Variants in GNG4 observed in about 807,000 individuals in gnomAD.
The protein encoded by GNG4 is guanine nucleotide-binding protein G(I)/G(S)/G(O) subunit gamma-4.
A neutral mutation model predicts 5.8 loss-of-function variants in GNG4; 4 were observed. That is an observed-to-expected ratio of 0.69 (90% CI 0.34 to 1.57). The LOEUF is 1.57. GNG4 is among the 40% of genes most tolerant of loss of function. The pLI, the probability that GNG4 is intolerant of heterozygous loss-of-function variation, is 0.06. For missense variants in GNG4, 96 were observed against 95.1 expected (o/e 1.01, Z -0.04); for synonymous variants, 29 against 32.9 (o/e 0.88, Z 0.41).
intron 1 of GNG4, among the ~76,000 whole-genome samples, chr1:235,606,829 G>C (rs999110671): frequency 6.6e-6 from 1 of 152,038 alleles, no homozygotes; most frequent in Non-Finnish European, 1.5e-5. Context: ...GCTGCGTGCA[G>C]AGCCTTTGGC....
intron 1 of GNG4, chr1:235,615,707 C>A: frequency 4.2e-6 from 1 of 236,778 alleles, no homozygotes; most frequent in Non-Finnish European, 8.8e-6. Flanking sequence ...ATAGACATAG[C>A]CATTATGCCT....
At chr1:235,557,565 C>G (rs1309855391) in intron 3 of GNG4, among the ~76,000 whole-genome samples, 1 of 152,080 alleles carries the variant, frequency 6.6e-6, no homozygotes, top group African/African-American at 2.4e-5. Context: ...TCCAGCTGGT[C>G]AGAAGTTGGC....
At position 235,596,175 on chromosome 1, in the gene GNG4, A is replaced by G. The variant is rs573034647; in HGVS notation, c.-122-664T>C. On this transcript the variant is annotated intron_variant, in intron 1 of 3. Coordinates refer to ENST00000391854, the MANE Select transcript of GNG4 (RefSeq NM_001098722.2). ...GGTGACAGAGCGAGACTCTGTCTCAAAAACAAAAACAAAACAAAAACAAAC... is the reference window on the plus strand; with the variant it reads ...GGTGACAGAGCGAGACTCTGTCTCAGAAACAAAAACAAAACAAAAACAAAC... Among the ~76,000 whole-genome samples, 4 of 148,930 alleles carry G rather than the reference A, an allele frequency of 2.7e-5. No homozygotes were observed. In the Admixed American group the frequency reaches 2.7e-4, roughly 10 times the overall value.
At chr1:235,639,698 G>A (rs1657259723) in intron 1 of GNG4, among the ~76,000 whole-genome samples, 1 of 152,202 alleles carries the variant, frequency 6.6e-6, no homozygotes, top group Non-Finnish European at 1.5e-5. Context: ...TAGAGACGGG[G>A]TTTCACCCAC....
At chr1:235,555,384 T>C (rs999406200) in intron 3 of GNG4, among the ~76,000 whole-genome samples, 4 of 152,142 alleles carry the variant, frequency 2.6e-5, no homozygotes, top group African/African-American at 9.7e-5. Flanking sequence ...ATAATACAAA[T>C]AGAAGCTAAC....
intron 1 of GNG4, among the ~76,000 whole-genome samples, chr1:235,613,399 G>T (rs1688524429): frequency 6.6e-6 from 1 of 152,194 alleles, no homozygotes; most frequent in Non-Finnish European, 1.5e-5. Flanking sequence ...GGGGTTTTAG[G>T]TTGCAGATGC....
At chr1:235,636,607 G>T (rs1431910008) in intron 1 of GNG4, among the ~76,000 whole-genome samples, 1 of 152,158 alleles carries the variant, frequency 6.6e-6, no homozygotes, top group East Asian at 1.9e-4. Flanking sequence ...CCTCCAGCAG[G>T]GCAATTGCCT....
Position 235,550,396 on chromosome 1 carries a change from GC to G in GNG4, c.*1712del, listed in dbSNP as rs1359845944. 4.6e-5 allele frequency: 7 copies of G among 152,400 alleles called. No homozygotes were observed. The highest frequency in any genetic ancestry group is 8.8e-5 in the Non-Finnish European group (6 of 68,186). The allele number at this position is 152,400 out of a possible 1,614,324, so 9.4% of individuals were successfully genotyped here. A position where few individuals can be genotyped will look rare whatever the true frequency, so the allele number is the denominator to read the frequency against. On this transcript the variant is annotated 3_prime_UTR_variant, in exon 4 of 4. Transcript: ENST00000391854. Reference sequence around the variant, plus strand: ...CCTGGAAGGTAGCACAGTTCAGGGGGCTAAGGGAACTCTGGGGCCGGGCTGC... The same window carrying G: ...CCTGGAAGGTAGCACAGTTCAGGGGGTAAGGGAACTCTGGGGCCGGGCTGC...
chr1:235,570,789 A>T (rs1343668228), intron 3 of GNG4, among the ~76,000 whole-genome samples: 1 of 151,458 alleles, frequency 6.6e-6, no homozygotes, highest in Non-Finnish European at 1.5e-5. Flanking sequence ...TCAACCTCCC[A>T]GGTTTAGGTG....
At chr1:235,590,405 A>C (rs1338384145) in intron 2 of GNG4, among the ~76,000 whole-genome samples, 3 of 152,104 alleles carry the variant, frequency 2.0e-5, no homozygotes, top group Admixed American at 6.5e-5. Context: ...CAGTGAGCCG[A>C]GATTGCGCCA....
At chr1:235,584,612 C>T (rs190010238) in intron 2 of GNG4, among the ~76,000 whole-genome samples, 1 of 152,316 alleles carries the variant, frequency 6.6e-6, no homozygotes, top group Admixed American at 6.5e-5. Flanking sequence ...TCTCCCTAAC[C>T]CTACACACAT....
intron 1 of GNG4, among the ~76,000 whole-genome samples, chr1:235,646,265 A>C (rs1418338540): frequency 6.6e-6 from 1 of 152,120 alleles, no homozygotes; most frequent in African/African-American, 2.4e-5. Context: ...GGGTCTCTCT[A>C]CAGTTCTCCA....
chr1:235,610,748 C>T (rs1180699040), intron 1 of GNG4, among the ~76,000 whole-genome samples: 1 of 152,118 alleles, frequency 6.6e-6, no homozygotes, highest in Non-Finnish European at 1.5e-5. Context: ...CTGATTTCCT[C>T]TTTCTCTCAC....
chr1:235,591,658 G>C (rs1170651237), intron 2 of GNG4, among the ~76,000 whole-genome samples: 1 of 152,214 alleles, frequency 6.6e-6, no homozygotes, highest in East Asian at 1.9e-4. Context: ...AATGGAAGTA[G>C]GAACAGAGAG....
intron 1 of GNG4, among the ~76,000 whole-genome samples, chr1:235,607,883 AG>A (rs1415214288): frequency 6.6e-6 from 1 of 151,792 alleles, no homozygotes; most frequent in Admixed American, 6.6e-5. Flanking sequence ...AGGCTGTCCA[AG>A]AAAGATGAGG....
chr1:235,646,962 A>T (rs1344105613), intron 1 of GNG4, among the ~76,000 whole-genome samples: 2 of 152,168 alleles, frequency 1.3e-5, no homozygotes, highest in Non-Finnish European at 2.9e-5. Context: ...TTGATCATTT[A>T]TTAACAGTCT....
Position 235,648,576 on chromosome 1 carries a change from G to A in GNG4, c.-123+1086C>T, listed in dbSNP as rs922706974. ...TCGAGAAGCCGGCCGCAGAGCCCAGGTCCCCCATGGCTACTGTGAGGCATT... is the reference window on the plus strand; with the variant it reads ...TCGAGAAGCCGGCCGCAGAGCCCAGATCCCCCATGGCTACTGTGAGGCATT... On this transcript the variant is annotated intron_variant, in intron 1 of 3. Coordinates refer to ENST00000391854, the MANE Select transcript of GNG4 (RefSeq NM_001098722.2). The surrounding 1 kb of genome is among the most constrained non-coding windows in gnomAD (Gnocchi z 5.0). Among the ~76,000 whole-genome samples, 4 of 152,218 alleles carry A rather than the reference G, an allele frequency of 2.6e-5. No individual in the cohort carries two copies. Among genetic ancestry groups the A allele is most frequent in the African/African-American group, 9.6e-5 (4 of 41,470 alleles).
chr1:235,591,950 T>C (rs1687974157), intron 2 of GNG4, among the ~76,000 whole-genome samples: 1 of 152,124 alleles, frequency 6.6e-6, no homozygotes, highest in South Asian at 2.1e-4. Flanking sequence ...TCAAGGGAAA[T>C]TCCAAGCTAG....
Position 235,552,236 on chromosome 1 carries a change from A to G in GNG4, c.101T>C (p.Val34Ala). 1 of 1,613,854 alleles carries G rather than the reference A, an allele frequency of 6.2e-7. No individual in the cohort carries two copies. The highest frequency in any genetic ancestry group is 1.1e-5 in the South Asian group (1 of 91,088). The change falls in exon 4 of 4, where the codon GTC (valine) becomes GCC (alanine). Residue 34 changes from valine to alanine, a missense_variant and splice_region_variant. By Grantham distance (64) the Val-to-Ala change is moderately conservative. Coordinates refer to ENST00000391854, the MANE Select transcript of GNG4 (RefSeq NM_001098722.2). ...KMEACMDRVK[V>A]SQAAADLLAY... Reference sequence around the variant, plus strand: ...CAGGAGGTCCGCAGCTGCCTGGGAGACCTGTGAGGGCACAGAGCACAGGTG... The same window carrying G: ...CAGGAGGTCCGCAGCTGCCTGGGAGGCCTGTGAGGGCACAGAGCACAGGTG...
Sources: gnomAD v4.1 joint callset for allele counts (sites outside exome capture counted in the v4.1 genomes callset) on GRCh38, gnomAD v4.1.1 for gene constraint, Gnocchi (gnomAD v3.1) non-coding constraint, MANE v1.5 for transcripts, NCBI Gene and HGNC (gene_info 2026-07-23, HGNC 2026-07-21) for gene names.